The following ZEB1 variants were observed in gnomAD, a reference collection of about 807,000 sequenced individuals.
The protein encoded by ZEB1 is zinc finger E-box binding homeobox 1, also known as zinc finger E-box-binding homeobox 1.
ZEB1 carries 21 observed loss-of-function variants against 84.9 expected under a neutral mutation model. The ratio of observed to expected loss-of-function variants is 0.25; its 90% CI spans 0.18 to 0.36. The LOEUF is 0.36. Among genes scored for constraint, ZEB1 ranks in the 10% least tolerant of loss-of-function variants. ZEB1 has a pLI of 1.00. For synonymous variants in ZEB1, 420 were observed against 471.1 expected (o/e 0.89, Z 1.41); for missense variants, 1,104 against 1,330.2 (o/e 0.83, Z 2.65).
intron 2 of ZEB1, among the ~76,000 whole-genome samples, chr10:31,465,011 T>C (rs953779691): frequency 6.6e-6 from 1 of 152,180 alleles, no homozygotes; most frequent in Non-Finnish European, 1.5e-5. Context: ...ACCTACTATT[T>C]GATAGCACAA....
At chr10:31,418,407 T>C (rs1253265650) in intron 1 of ZEB1, among the ~76,000 whole-genome samples, 1 of 152,042 alleles carries the variant, frequency 6.6e-6, no homozygotes, top group Admixed American at 6.6e-5. Flanking sequence ...ATAGGCACAG[T>C]CTTTGAGCTG....
At chr10:31,458,214 C>G (rs1367673893) in intron 1 of ZEB1, among the ~76,000 whole-genome samples, 1 of 151,954 alleles carries the variant, frequency 6.6e-6, no homozygotes, top group East Asian at 1.9e-4. Flanking sequence ...TAAATGCCAA[C>G]TTAAAATGAC....
intron 1 of ZEB1, among the ~76,000 whole-genome samples, chr10:31,337,828 G>A (rs1174748040): frequency 1.3e-5 from 2 of 151,742 alleles, no homozygotes; most frequent in Non-Finnish European, 2.9e-5. Flanking sequence ...GGGATTACAG[G>A]CACCCACCAC....
chr10:31,466,865 TA>T (rs2062501339), intron 2 of ZEB1, among the ~76,000 whole-genome samples: 1 of 151,864 alleles, frequency 6.6e-6, no homozygotes, highest in Admixed American at 6.6e-5. Context: ...AGCTAGAATT[TA>T]AAAAAGGAGG....
At chr10:31,428,952 G>A (rs2057340053) in intron 1 of ZEB1, among the ~76,000 whole-genome samples, 1 of 152,130 alleles carries the variant, frequency 6.6e-6, no homozygotes, top group East Asian at 1.9e-4. Flanking sequence ...GAGCCTATGT[G>A]TGTCACTGCA....
intron 1 of ZEB1, among the ~76,000 whole-genome samples, chr10:31,428,920 T>C (rs1184867452): frequency 6.6e-6 from 1 of 152,226 alleles, no homozygotes; most frequent in African/African-American, 2.4e-5. Context: ...GCTTGGTAGA[T>C]TTTCCTCATT....
At chr10:31,456,898 G>T (rs903165990) in intron 1 of ZEB1, among the ~76,000 whole-genome samples, 4 of 152,092 alleles carry the variant, frequency 2.6e-5, no homozygotes, top group Non-Finnish European at 4.4e-5. Flanking sequence ...AGTGGTTACT[G>T]CTGTGTCTGG....
intron 1 of ZEB1, among the ~76,000 whole-genome samples, chr10:31,390,346 A>T (rs999542030): frequency 1.3e-5 from 2 of 152,166 alleles, no homozygotes; most frequent in African/African-American, 4.8e-5. Flanking sequence ...TCCTCCAAAA[A>T]TCAGCCTGTA....
At chr10:31,319,991 T>C (rs576011470) in intron 1 of ZEB1, 1 of 150,312 alleles carries the variant, frequency 6.7e-6, no homozygotes, top group African/African-American at 2.4e-5. Flanking sequence ...CGGACAGGGT[T>C]CGGCCGGCGG....
At chr10:31,500,293 G>C (rs2067932564) in intron 3 of ZEB1, among the ~76,000 whole-genome samples, 1 of 152,010 alleles carries the variant, frequency 6.6e-6, no homozygotes, top group Non-Finnish European at 1.5e-5. Flanking sequence ...AATGCTTTTT[G>C]TTCTACCTAA....
At chr10:31,456,946 A>C (rs1245972806) in intron 1 of ZEB1, among the ~76,000 whole-genome samples, 1 of 152,194 alleles carries the variant, frequency 6.6e-6, no homozygotes, top group African/African-American at 2.4e-5. Context: ...AACTACCACC[A>C]TCAAGAAGTC....
chr10:31,484,753 G>A (rs1284752390), intron 2 of ZEB1, among the ~76,000 whole-genome samples: 1 of 151,752 alleles, frequency 6.6e-6, no homozygotes, highest in Non-Finnish European at 1.5e-5. Flanking sequence ...TGATAATGAG[G>A]GTACACAGAT....
chr10:31,405,404 C>A (rs562412047), intron 1 of ZEB1, among the ~76,000 whole-genome samples: 186 of 152,232 alleles, frequency 1.2e-3, no homozygotes, highest in African/African-American at 4.3e-3. Flanking sequence ...TCTGAATTAC[C>A]TACTACGTGC....
In ZEB1 at chr10:31,412,734, T is replaced by C. The variant is rs116158131; in HGVS notation, c.59-48303T>C. Among the ~76,000 whole-genome samples, 947 of 152,328 alleles carry C rather than the reference T, an allele frequency of 6.2e-3. 6 individuals carry two copies. The highest frequency in any genetic ancestry group is 0.022 in the African/African-American group (905 of 41,568). ...CTCATTGGCTTGGTTTTTTATTTCC[T>C]TGGTTTCAGTCCAAAGTGTAATAAG... On this transcript the variant is annotated intron_variant, in intron 1 of 8. Coordinates refer to ENST00000424869, the MANE Select transcript of ZEB1 (RefSeq NM_001174096.2).
intron 1 of ZEB1, among the ~76,000 whole-genome samples, chr10:31,431,835 A>G (rs2057748969): frequency 6.6e-6 from 1 of 152,244 alleles, no homozygotes; most frequent in African/African-American, 2.4e-5. Flanking sequence ...AGTATAACTA[A>G]CAGATAAAAG....
intron 1 of ZEB1, among the ~76,000 whole-genome samples, chr10:31,376,385 G>A (rs2134631462): frequency 6.6e-6 from 1 of 151,858 alleles, no homozygotes; most frequent in East Asian, 1.9e-4. Flanking sequence ...GCAGTTAGTA[G>A]AGACTGAAAA....
intron 2 of ZEB1, among the ~76,000 whole-genome samples, chr10:31,484,793 T>C (rs2065500959): frequency 6.6e-6 from 1 of 152,010 alleles, no homozygotes; most frequent in African/African-American, 2.4e-5. Context: ...TTCCTTAGAT[T>C]ATTTTACTCA....
chr10:31,453,048 TGTTA>T (rs1012838527), intron 1 of ZEB1, among the ~76,000 whole-genome samples: 9 of 152,190 alleles, frequency 5.9e-5, no homozygotes, highest in African/African-American at 1.9e-4. Context: ...AAAAGTAGTC[TGTTA>T]GTTTTTAAGG....
intron 1 of ZEB1, among the ~76,000 whole-genome samples, chr10:31,453,306 T>TA (rs142156098): frequency 1.6e-3 from 241 of 152,288 alleles, no homozygotes; most frequent in South Asian, 2.5e-3. Flanking sequence ...CCCTCAAAGT[T>TA]AATCTTTTCC....
Sources: allele counts gnomAD v4.1 joint callset (sites outside exome capture counted in the v4.1 genomes callset), GRCh38; gene constraint gnomAD v4.1.1; transcripts MANE v1.5; gene names NCBI Gene and HGNC (gene_info 2026-07-23, HGNC 2026-07-21).